COX10: variants seen among roughly 807,000 people sequenced by gnomAD.
COX10 encodes the protein protoheme IX farnesyltransferase, mitochondrial.
Under a neutral mutation model 37.3 loss-of-function variants are expected in COX10, and 27 were observed. The ratio of observed to expected loss-of-function variants is 0.72; its 90% CI spans 0.53 to 1.00. The LOEUF (loss-of-function observed/expected upper bound fraction) is 1.00. Ranked by LOEUF, COX10 falls within the 50% of genes least tolerant of loss-of-function variation. COX10 has a pLI of 0.00. For missense variants in COX10, 475 were observed against 563.2 expected (o/e 0.84, Z 1.59); for synonymous variants, 222 against 229.1 (o/e 0.97, Z 0.28).
chr17:14,090,903 A>G (rs967224000), intron 3 of COX10, among the ~76,000 whole-genome samples: 13 of 152,172 alleles, frequency 8.5e-5, no homozygotes, highest in Admixed American at 4.6e-4. Context: ...TTACATTTCC[A>G]TTGCCCAGCG....
intron 6 of COX10, among the ~76,000 whole-genome samples, chr17:14,205,526 T>A (rs1906670978): frequency 6.6e-6 from 1 of 152,220 alleles, no homozygotes; most frequent in African/African-American, 2.4e-5. Flanking sequence ...GGATTGTTGC[T>A]CGCCATGGTA....
chr17:14,088,464 T>C (rs532665946), intron 3 of COX10, among the ~76,000 whole-genome samples: 2 of 152,306 alleles, frequency 1.3e-5, no homozygotes, highest in African/African-American at 4.8e-5. Context: ...TTAGCTAGGC[T>C]ACTCTGTTTT....
At chr17:14,191,348 A>G (rs1906196362) in intron 5 of COX10, among the ~76,000 whole-genome samples, 1 of 148,168 alleles carries the variant, frequency 6.7e-6, no homozygotes, top group Non-Finnish European at 1.5e-5. Flanking sequence ...CACTGGTACT[A>G]CACAACAGCC....
At chr17:14,131,778 A>G (rs1916472370) in intron 4 of COX10, among the ~76,000 whole-genome samples, 3 of 152,026 alleles carry the variant, frequency 2.0e-5, no homozygotes, top group Admixed American at 2.0e-4. Context: ...AGACTGAGAC[A>G]GTCACTGTAA....
chr17:14,150,863 A>G (rs977396394), intron 4 of COX10, among the ~76,000 whole-genome samples: 2 of 152,180 alleles, frequency 1.3e-5, no homozygotes, highest in African/African-American at 4.8e-5. Flanking sequence ...TCTGTTTACT[A>G]CAGCATATTA....
At chr17:14,159,540 T>C (rs1003717873) in intron 4 of COX10, among the ~76,000 whole-genome samples, 11 of 151,922 alleles carry the variant, frequency 7.2e-5, no homozygotes, top group African/African-American at 2.7e-4. Flanking sequence ...ACTGCGGGAG[T>C]TGAGTATGTG....
At chr17:14,191,422 G>A (rs1906198538) in intron 5 of COX10, among the ~76,000 whole-genome samples, 2 of 151,780 alleles carry the variant, frequency 1.3e-5, no homozygotes, top group Admixed American at 1.3e-4. Context: ...TACAGACGTT[G>A]TAATGATGGC....
intron 3 of COX10, among the ~76,000 whole-genome samples, chr17:14,077,618 T>G (rs1254869525): frequency 6.6e-6 from 1 of 152,198 alleles, no homozygotes; most frequent in Non-Finnish European, 1.5e-5. Flanking sequence ...ATTAAGTGAT[T>G]TGGTTGTCAC....
chr17:14,115,143 A>G (rs1457066066), intron 4 of COX10, among the ~76,000 whole-genome samples: 1 of 152,180 alleles, frequency 6.6e-6, no homozygotes, highest in Non-Finnish European at 1.5e-5. Flanking sequence ...CATAAACTCA[A>G]CAATTAAAAG....
chr17:14,186,337 T>C (rs1259866634), intron 5 of COX10, among the ~76,000 whole-genome samples: 2 of 152,034 alleles, frequency 1.3e-5, no homozygotes, highest in African/African-American at 4.8e-5. Flanking sequence ...TCTCCAGATA[T>C]GTGGAACATA....
intron 4 of COX10, among the ~76,000 whole-genome samples, chr17:14,102,944 G>A (rs986715857): frequency 1.9e-4 from 29 of 152,232 alleles, no homozygotes; most frequent in Admixed American, 1.6e-3. Flanking sequence ...TTTAAAACAG[G>A]AATTCAAGTT....
At chr17:14,172,291 A>G (rs2530365) in intron 5 of COX10, among the ~76,000 whole-genome samples, 88,189 of 151,998 alleles carry the variant, frequency 0.58, 26,018 homozygotes, top group Non-Finnish European at 0.62. Context: ...TGGGATTACT[A>G]GATCAAATGG....
intron 3 of COX10, among the ~76,000 whole-genome samples, chr17:14,100,913 G>A (rs187613840): frequency 1.3e-5 from 2 of 152,198 alleles, no homozygotes; most frequent in Non-Finnish European, 2.9e-5. Flanking sequence ...TTGTTGTTGG[G>A]GGGTGTCCTA....
chr17:14,181,712 T>C (rs1406148715), intron 5 of COX10, among the ~76,000 whole-genome samples: 1 of 152,104 alleles, frequency 6.6e-6, no homozygotes, highest in Non-Finnish European at 1.5e-5. Flanking sequence ...TGGCAGGCAT[T>C]GGGTGTTATG....
intron 6 of COX10, among the ~76,000 whole-genome samples, chr17:14,199,829 A>C (rs899980121): frequency 1.3e-5 from 2 of 152,160 alleles, no homozygotes; most frequent in African/African-American, 4.8e-5. Flanking sequence ...GTTGCCCCTC[A>C]AAAGAAAGGC....
intron 4 of COX10, among the ~76,000 whole-genome samples, chr17:14,121,397 A>C (rs1279426298): frequency 1.3e-5 from 2 of 152,228 alleles, no homozygotes; most frequent in Non-Finnish European, 2.9e-5. Flanking sequence ...CATGGCTGCA[A>C]CTTAGTCACT....
intron 5 of COX10, among the ~76,000 whole-genome samples, chr17:14,173,832 A>G (rs1441462010): frequency 6.6e-6 from 1 of 152,250 alleles, no homozygotes; most frequent in African/African-American, 2.4e-5. Flanking sequence ...ACTAGGAGTA[A>G]TAAGTAAATC....
At chr17:14,071,891 C>T (rs1354850228) in intron 1 of COX10, among the ~76,000 whole-genome samples, 1 of 151,892 alleles carries the variant, frequency 6.6e-6, no homozygotes, top group East Asian at 1.9e-4. Flanking sequence ...CAGAGTGAGA[C>T]TCCATCTCAA....
intron 5 of COX10, among the ~76,000 whole-genome samples, chr17:14,178,678 C>T: frequency 6.6e-6 from 1 of 152,026 alleles, no homozygotes; most frequent in Non-Finnish European, 1.5e-5. Flanking sequence ...TTTCTCTGTA[C>T]TTTCACTGCA....
Sources: gnomAD v4.1 joint callset for allele counts (sites outside exome capture counted in the v4.1 genomes callset) on GRCh38, gnomAD v4.1.1 for gene constraint, MANE v1.5 for transcripts, NCBI Gene and HGNC (gene_info 2026-07-23, HGNC 2026-07-21) for gene names.